Variants in ANKIB1 observed in about 807,000 individuals in gnomAD.
ANKIB1 encodes the protein ankyrin repeat and IBR domain-containing protein 1.
Under a neutral mutation model 122.1 loss-of-function variants are expected in ANKIB1, and 43 were observed. The observed-to-expected ratio is 0.35, with a 90% CI of 0.28 to 0.45. The LOEUF is 0.45. Ranked by LOEUF, ANKIB1 falls within the 20% of genes least tolerant of loss-of-function variation. The pLI, the probability that ANKIB1 is intolerant of heterozygous loss-of-function variation, is 1.00. For missense variants in ANKIB1, 992 were observed against 1,329.5 expected, an observed-to-expected ratio of 0.75 and a Z score of 3.95; for synonymous variants, 390 against 442.0, an observed-to-expected ratio of 0.88 and a Z score of 1.48.
chr7:92,367,782 T>A (rs1804124783), intron 10 of ANKIB1, among the ~76,000 whole-genome samples: 1 of 152,236 alleles, frequency 6.6e-6, no homozygotes, highest in Non-Finnish European at 1.5e-5. Flanking sequence ...TATGAAATGA[T>A]GGTTAATTTA....
chr7:92,355,992 G>C (rs1017602016), intron 9 of ANKIB1, among the ~76,000 whole-genome samples: 1 of 152,050 alleles, frequency 6.6e-6, no homozygotes, highest in Non-Finnish European at 1.5e-5. Flanking sequence ...TTGAATCATA[G>C]TGATGTACAA....
At chr7:92,378,673 T>C (rs1804442080) in intron 11 of ANKIB1, among the ~76,000 whole-genome samples, 1 of 152,132 alleles carries the variant, frequency 6.6e-6, no homozygotes, top group African/African-American at 2.4e-5. Context: ...TTATTAACAT[T>C]AGATTGAAGA....
chr7:92,396,133 C>G, intron 17 of ANKIB1: 2 of 510,486 alleles, frequency 3.9e-6, no homozygotes, highest in Non-Finnish European at 7.0e-6. Context: ...CTGGGGCTTG[C>G]AAGTATTCCT....
At chr7:92,300,824 A>AT (rs1039312273) in intron 2 of ANKIB1, among the ~76,000 whole-genome samples, 10 of 152,110 alleles carry the variant, frequency 6.6e-5, no homozygotes, top group Non-Finnish European at 1.5e-4. Flanking sequence ...CTAACTGAAA[A>AT]TTTGTACCCT....
In ANKIB1 at chr7:92,351,102, A is replaced by G; in HGVS notation, c.1230+8A>G. The G allele has an allele frequency of 6.6e-7, 1 of 1,519,908 alleles. No individual in the cohort carries two copies. Among genetic ancestry groups the G allele is most frequent in the East Asian group, 2.4e-5 (1 of 41,562 alleles). The allele number at this position is 1,519,908 out of a possible 1,614,324, so 94.2% of individuals were successfully genotyped here. On this transcript the variant is annotated splice_region_variant and intron_variant, in intron 8 of 19. Coordinates refer to ENST00000265742, the MANE Select transcript of ANKIB1 (RefSeq NM_019004.2). Reference sequence around the variant, plus strand: ...CTACAGTTTGATATTAAGGTAAGGTATACTGCCAATTATCTGTCCAATTTC... The same window carrying G: ...CTACAGTTTGATATTAAGGTAAGGTGTACTGCCAATTATCTGTCCAATTTC...
At chr7:92,260,179 A>G (rs1400949921) in intron 1 of ANKIB1, among the ~76,000 whole-genome samples, 1 of 152,118 alleles carries the variant, frequency 6.6e-6, no homozygotes, top group African/African-American at 2.4e-5. Flanking sequence ...GACCCTACCT[A>G]CACAGTTGCC....
chr7:92,344,929 C>G (rs1183674454), intron 6 of ANKIB1, 49 bp from the exon 7 acceptor site: 1 of 1,459,624 alleles, frequency 6.9e-7, no homozygotes, highest in Admixed American at 1.8e-5. Flanking sequence ...GTATTGTTCT[C>G]TTTCAGAAGT....
At chr7:92,304,977 C>T (rs751750941) in intron 2 of ANKIB1, among the ~76,000 whole-genome samples, 1 of 152,096 alleles carries the variant, frequency 6.6e-6, no homozygotes, top group Non-Finnish European at 1.5e-5. Flanking sequence ...AAATTCTATT[C>T]TTATATTTCC....
intron 10 of ANKIB1, among the ~76,000 whole-genome samples, chr7:92,368,137 T>C (rs971795186): frequency 6.6e-6 from 1 of 152,060 alleles, no homozygotes; most frequent in African/African-American, 2.4e-5. Flanking sequence ...GTCTGGATAA[T>C]AGAGTGAATC....
At chr7:92,369,793 T>G (rs1804191905) in intron 10 of ANKIB1, among the ~76,000 whole-genome samples, 1 of 152,032 alleles carries the variant, frequency 6.6e-6, no homozygotes, top group Non-Finnish European at 1.5e-5. Flanking sequence ...GCACTTAGAG[T>G]TAAAAAAGAA....
At chr7:92,253,808 GT>G (rs1470789579) in intron 1 of ANKIB1, among the ~76,000 whole-genome samples, 1 of 152,110 alleles carries the variant, frequency 6.6e-6, no homozygotes, top group Non-Finnish European at 1.5e-5. Context: ...GTGGTAGAAT[GT>G]TTAACAGTCA....
chr7:92,303,765 A>C (rs1802500017), intron 2 of ANKIB1, among the ~76,000 whole-genome samples: 1 of 152,204 alleles, frequency 6.6e-6, no homozygotes, highest in Non-Finnish European at 1.5e-5. Flanking sequence ...AATTAGGGAC[A>C]ATGATGAATA....
Position 92,381,251 on chromosome 7 carries a change from A to G in ANKIB1, c.1618-5258A>G, listed in dbSNP as rs374195051. 4.6e-5 allele frequency among the ~76,000 whole-genome samples: 7 copies of G among 152,350 alleles called. No homozygotes were observed. The South Asian group carries it at 1.5e-3, about 32-fold the overall frequency. On this transcript the variant is annotated intron_variant, in intron 11 of 19. Transcript: ENST00000265742. ...AAATAAGAGACTGTGTGAAAACACC[A>G]AATATACGTACAATTGGTGTACCTG...
At position 92,246,254 on chromosome 7, in the gene ANKIB1, G is replaced by C. The variant is rs1049956467; in HGVS notation, c.-356G>C. 7.7e-6 allele frequency: 3 copies of C among 387,702 alleles called. No homozygotes were observed. Among genetic ancestry groups the C allele is most frequent in the East Asian group, 1.1e-4 (1 of 9,126 alleles). The allele number at this position is 387,702 out of a possible 1,614,324, so 24.0% of individuals were successfully genotyped here. ...GGCGGCGCAGCGGCCGGAGAGGGAT[G>C]GGGGGCGCCCACCCAGTCTGAGCCT... is the stretch of plus-strand genomic sequence containing the variant. On this transcript the variant is annotated 5_prime_UTR_variant, in exon 1 of 20. The change abolishes an upstream ATG in the 5' untranslated region. Coordinates refer to ENST00000265742, the MANE Select transcript of ANKIB1 (RefSeq NM_019004.2).
intron 3 of ANKIB1, among the ~76,000 whole-genome samples, chr7:92,308,044 G>C (rs1280115586): frequency 6.6e-6 from 1 of 151,694 alleles, no homozygotes; most frequent in Non-Finnish European, 1.5e-5. Context: ...GCTAATTTTT[G>C]TATTTTTAGT....
At chr7:92,385,586 A>G (rs1383679619) in intron 11 of ANKIB1, among the ~76,000 whole-genome samples, 2 of 152,238 alleles carry the variant, frequency 1.3e-5, no homozygotes, top group African/African-American at 4.8e-5. Context: ...TTGTAGCCAC[A>G]TGGATGAAGC....
intron 3 of ANKIB1, among the ~76,000 whole-genome samples, chr7:92,318,828 T>C (rs1802847131): frequency 1.3e-5 from 2 of 152,222 alleles, no homozygotes; most frequent in Non-Finnish European, 2.9e-5. Context: ...AAAACAGCTT[T>C]ACCTCAGTGA....
rs1347278422 is a variant in ANKIB1, at chr7:92,398,775, T to C, written c.3096T>C (p.Gly1032=). ...SMFEDASVSE[G]RGTQIEENPL... is the part of the protein sequence containing the mutation. ...TTGAAGATGCCAGTGTCAGTGAAGG[T>C]AGAGGAACCCAGATAGAAGAAAATC... is the stretch of plus-strand genomic sequence containing the variant. The change falls in exon 20 of 20, where the codon GGT becomes GGC. Residue 1032 remains glycine, a synonymous_variant. Transcript: ENST00000265742. 6.2e-7 allele frequency: 1 copy of C among 1,612,856 alleles called. No individual in the cohort carries two copies. Among genetic ancestry groups the C allele is most frequent in the Non-Finnish European group, 8.5e-7 (1 of 1,179,530 alleles).
At chr7:92,283,401 A>G (rs1018969643) in intron 1 of ANKIB1, among the ~76,000 whole-genome samples, 1 of 152,184 alleles carries the variant, frequency 6.6e-6, no homozygotes, top group South Asian at 2.1e-4. Context: ...GTAAAGCCAC[A>G]TTGGACTTCA....
Sources: gnomAD v4.1 joint callset for allele counts (sites outside exome capture counted in the v4.1 genomes callset) on GRCh38, gnomAD v4.1.1 for gene constraint, MANE v1.5 for transcripts, NCBI Gene and HGNC (gene_info 2026-07-23, HGNC 2026-07-21) for gene names.